Variants in SUPT3H observed in about 807,000 individuals in gnomAD.
SUPT3H encodes the protein SPT3 homolog, SAGA and STAGA complex component.
A neutral mutation model predicts 44.3 loss-of-function variants in SUPT3H; 44 were observed. The ratio of observed to expected loss-of-function variants is 0.99; its 90% confidence interval spans 0.78 to 1.28. The LOEUF is 1.28. Among genes scored for constraint, SUPT3H ranks in the 50% most tolerant of loss-of-function variants. The probability of loss-of-function intolerance (pLI) is 0.00; values close to 1 mark genes in which losing one functional copy is unlikely to be tolerated. For synonymous variants in SUPT3H, 124 were observed against 125.6 expected (o/e 0.99, Z 0.09); for missense variants, 380 against 387.1 (o/e 0.98, Z 0.15).
chr6:45,031,495 C>G (rs1017287343), intron 3 of SUPT3H, among the ~76,000 whole-genome samples: 5 of 152,088 alleles, frequency 3.3e-5, no homozygotes, highest in African/African-American at 1.2e-4. Flanking sequence ...CGAATTGTTT[C>G]TCTAATAATT....
chr6:45,124,402 G>A (rs935612716), intron 2 of SUPT3H, among the ~76,000 whole-genome samples: 6 of 152,078 alleles, frequency 3.9e-5, no homozygotes, highest in African/African-American at 1.4e-4. Flanking sequence ...CCAGCACTTT[G>A]GGAGGCCGAG....
chr6:45,298,048 G>A (rs1157174450), intron 2 of SUPT3H, among the ~76,000 whole-genome samples: 8 of 152,174 alleles, frequency 5.3e-5, no homozygotes, highest in Admixed American at 5.2e-4. Flanking sequence ...AAAATCCAAA[G>A]CTGGTAACTT....
intron 2 of SUPT3H, among the ~76,000 whole-genome samples, chr6:45,166,912 T>A (rs566715104): frequency 6.6e-6 from 1 of 152,224 alleles, no homozygotes; most frequent in Non-Finnish European, 1.5e-5. Context: ...AGAACTCTCA[T>A]GCATTGCTTG....
At chr6:45,004,158 G>T (rs966066006) in intron 5 of SUPT3H, among the ~76,000 whole-genome samples, 2 of 152,018 alleles carry the variant, frequency 1.3e-5, no homozygotes, top group African/African-American at 4.8e-5. Context: ...AAAATGATGA[G>T]TAAGGATATG....
chr6:44,827,856 A>C lies in SUPT3H; in HGVS notation c.*1960T>G, dbSNP rs1767937092. 6.6e-6 allele frequency among the ~76,000 whole-genome samples: 1 copy of C among 152,104 alleles called. No individual in the cohort carries two copies. The highest frequency in any genetic ancestry group is 1.5e-5 in the Non-Finnish European group (1 of 67,984). On this transcript the variant is annotated 3_prime_UTR_variant, in exon 11 of 11. Coordinates refer to ENST00000371459, the MANE Select transcript of SUPT3H (RefSeq NM_003599.4). The stretch of plus-strand genomic sequence containing the variant: ...ATGAAAAATGAAAGGTTTTATATGA[A>C]CTTACTGGGCAAAACCAGATTTTAT...
At chr6:45,024,462 C>CTT (rs1358823514) in intron 3 of SUPT3H, among the ~76,000 whole-genome samples, 1 of 152,116 alleles carries the variant, frequency 6.6e-6, no homozygotes, top group South Asian at 2.1e-4. Flanking sequence ...AATATAATGT[C>CTT]TGAATTCTTG....
chr6:45,222,093 C>T (rs186307657), intron 2 of SUPT3H, among the ~76,000 whole-genome samples: 2 of 152,038 alleles, frequency 1.3e-5, no homozygotes, highest in South Asian at 2.1e-4. Flanking sequence ...AAATAAACTT[C>T]CACTTAAACC....
At chr6:45,248,405 T>A (rs967612567) in intron 2 of SUPT3H, among the ~76,000 whole-genome samples, 12 of 151,502 alleles carry the variant, frequency 7.9e-5, no homozygotes, top group Admixed American at 6.6e-4. Flanking sequence ...ATAAAAAAAA[T>A]AAGAAAAATT....
chr6:45,318,975 A>G (rs1785094006), intron 2 of SUPT3H, among the ~76,000 whole-genome samples: 1 of 152,156 alleles, frequency 6.6e-6, no homozygotes, highest in Non-Finnish European at 1.5e-5. Flanking sequence ...CATAAATATT[A>G]AATATTTCCC....
At chr6:45,197,404 C>A (rs1255953173) in intron 2 of SUPT3H, among the ~76,000 whole-genome samples, 1 of 151,378 alleles carries the variant, frequency 6.6e-6, no homozygotes, top group Non-Finnish European at 1.5e-5. Flanking sequence ...TAAGTGGCTC[C>A]TGTTTTACAT....
intron 1 of SUPT3H, among the ~76,000 whole-genome samples, chr6:45,373,062 C>A (rs967808859): frequency 1.3e-4 from 20 of 152,124 alleles, no homozygotes; most frequent in Non-Finnish European, 2.4e-4. Context: ...CTGCCTCGGC[C>A]TCCCAAAGTG....
At chr6:44,934,245 A>C (rs1771057923) in intron 9 of SUPT3H, among the ~76,000 whole-genome samples, 1 of 152,060 alleles carries the variant, frequency 6.6e-6, no homozygotes, top group South Asian at 2.1e-4. Flanking sequence ...AAAAAGAACA[A>C]CCTCTTTTAC....
At chr6:45,297,989 G>C (rs1437748217) in intron 2 of SUPT3H, among the ~76,000 whole-genome samples, 2 of 152,168 alleles carry the variant, frequency 1.3e-5, no homozygotes, top group African/African-American at 2.4e-5. Context: ...ACAAGCTTCA[G>C]GCCACCAAGC....
chr6:45,130,937 G>C (rs28445910), intron 2 of SUPT3H, among the ~76,000 whole-genome samples: 2 of 151,560 alleles, frequency 1.3e-5, no homozygotes, highest in East Asian at 1.9e-4. Context: ...GGCTGGTCTC[G>C]AACTCCCGAC....
chr6:44,893,029 CA>C (rs1763544890), intron 10 of SUPT3H, among the ~76,000 whole-genome samples: 1 of 151,784 alleles, frequency 6.6e-6, no homozygotes, highest in African/African-American at 2.4e-5. Flanking sequence ...TGTAGGAATA[CA>C]AAAATACAAA....
At chr6:44,885,366 C>A (rs942349736) in intron 10 of SUPT3H, among the ~76,000 whole-genome samples, 3 of 152,098 alleles carry the variant, frequency 2.0e-5, no homozygotes, top group African/African-American at 7.2e-5. Context: ...GAGGCACCCC[C>A]AGTAGGGGCA....
At position 44,930,730 on chromosome 6, in the gene SUPT3H, T is replaced by C. The variant is rs73735261; in HGVS notation, c.912+1923A>G. On this transcript the variant is annotated intron_variant, in intron 10 of 10. Transcript: ENST00000371459. Reference sequence around the variant, plus strand: ...GGTGGAGTTTGTTACCATTTGTTGTTGATTTTGTTTGATTGTTCTACTAGC... The same window carrying C: ...GGTGGAGTTTGTTACCATTTGTTGTCGATTTTGTTTGATTGTTCTACTAGC... Among the ~76,000 whole-genome samples, 595 of 152,284 alleles carry C rather than the reference T, an allele frequency of 3.9e-3. 7 individuals are homozygous for C. Among genetic ancestry groups the C allele is most frequent in the African/African-American group, 0.014 (566 of 41,548 alleles).
chr6:45,271,153 G>C (rs549691264), intron 2 of SUPT3H, among the ~76,000 whole-genome samples: 1 of 152,292 alleles, frequency 6.6e-6, no homozygotes, highest in East Asian at 1.9e-4. Context: ...CTGACAATGC[G>C]ACTGAAAAGA....
At chr6:45,154,164 C>G (rs1467044542) in intron 2 of SUPT3H, among the ~76,000 whole-genome samples, 1 of 151,280 alleles carries the variant, frequency 6.6e-6, no homozygotes, top group African/African-American at 2.4e-5. Flanking sequence ...TTTGGTTTTG[C>G]CTACTTAGCT....
Sources: gnomAD v4.1 joint callset for allele counts (sites outside exome capture counted in the v4.1 genomes callset) on GRCh38, gnomAD v4.1.1 for gene constraint, MANE v1.5 for transcripts, NCBI Gene and HGNC (gene_info 2026-07-23, HGNC 2026-07-21) for gene names.